The following MAEA variants were observed in gnomAD, a reference collection of about 807,000 sequenced individuals.
MAEA encodes the protein E3 ubiquitin-protein transferase MAEA.
In MAEA, 22 loss-of-function variants were observed where a neutral mutation model predicts 46.2. The observed-to-expected ratio is 0.48, with a 90% CI of 0.34 to 0.68. The LOEUF (loss-of-function observed/expected upper bound fraction) is 0.68, where lower values mean the gene tolerates loss of function less well. Ranked by LOEUF, MAEA falls within the 30% of genes least tolerant of loss-of-function variation. MAEA has a pLI of 0.01. For missense variants in MAEA, 393 were observed against 558.1 expected (o/e 0.70, Z 2.98); for synonymous variants, 246 against 222.6 (o/e 1.11, Z -0.94).
chr4:1,299,005 C>G (rs1379966727), intron 1 of MAEA, among the ~76,000 whole-genome samples: 1 of 152,080 alleles, frequency 6.6e-6, no homozygotes, highest in South Asian at 2.1e-4. Flanking sequence ...CCTCAGCCTC[C>G]CGGGTAACTG....
At chr4:1,337,311 T>A (rs890622251) in intron 7 of MAEA, 1 of 307,836 alleles carries the variant, frequency 3.2e-6, no homozygotes, top group Admixed American at 6.1e-5. Flanking sequence ...CAGAATAGTT[T>A]TCCCGTGTGA....
chr4:1,299,769 A>G (rs1047078680), intron 1 of MAEA: 3 of 152,152 alleles, frequency 2.0e-5, no homozygotes, highest in Admixed American at 2.0e-4. Context: ...CACCTCCTTC[A>G]ATCTTCGCTG....
In MAEA at chr4:1,319,126, C is replaced by T. The variant is rs926755696; in HGVS notation, c.457-3255C>T. On this transcript the variant is annotated intron_variant, in intron 3 of 8. Transcript: ENST00000303400. The stretch of plus-strand genomic sequence containing the variant: ...TAGCACTCTGGGAGGCTGAGGCGAG[C>T]GGATCTGTTGAGCCCAGGAGTTTGA... Among the ~76,000 whole-genome samples the T allele has an allele frequency of 3.3e-5, 5 of 152,178 alleles. No individual in the cohort carries two copies. In the East Asian group the frequency reaches 5.8e-4, roughly 18 times the overall value.
chr4:1,315,392 C>G lies in MAEA; in HGVS notation c.253-5C>G. On this transcript the variant is annotated splice_region_variant and splice_polypyrimidine_tract_variant and intron_variant, in intron 2 of 8. Transcript: ENST00000303400. Reference sequence around the variant, plus strand: ...CTGAACGTGCCTCTGTTGTGTGTGGCTCAGGCGGTGGAATCCATCCAGGCC... The same window carrying G: ...CTGAACGTGCCTCTGTTGTGTGTGGGTCAGGCGGTGGAATCCATCCAGGCC... 1 of 1,613,642 alleles carries G rather than the reference C, an allele frequency of 6.2e-7. No homozygotes were observed.
intron 1 of MAEA, among the ~76,000 whole-genome samples, chr4:1,304,571 G>A (rs1735652970): frequency 6.6e-6 from 1 of 152,152 alleles, no homozygotes; most frequent in Admixed American, 6.5e-5. Flanking sequence ...CTCCCGAGTA[G>A]TTGGGACTAC....
At chr4:1,316,911 T>C (rs1378974335) in intron 3 of MAEA, among the ~76,000 whole-genome samples, 1 of 146,698 alleles carries the variant, frequency 6.8e-6, no homozygotes, top group African/African-American at 2.6e-5. Context: ...CTTGCGGCAC[T>C]CCAGACTCAC....
chr4:1,325,001 C>G (rs1738618617), intron 4 of MAEA, among the ~76,000 whole-genome samples: 1 of 152,038 alleles, frequency 6.6e-6, no homozygotes, highest in African/African-American at 2.4e-5. Context: ...TAGATGCTGT[C>G]CAGAAATGCG....
chr4:1,315,695 T>C, intron 3 of MAEA, 95 bp downstream of exon 3: 1 of 1,126,744 alleles, frequency 8.9e-7, no homozygotes, highest in South Asian at 1.4e-5. Context: ...CCTGTGTCCC[T>C]ACATGCTTGT....
chr4:1,301,485 G>C (rs910450185), intron 1 of MAEA, among the ~76,000 whole-genome samples: 1 of 152,234 alleles, frequency 6.6e-6, no homozygotes, highest in South Asian at 2.1e-4. Context: ...TTGGGGAGAT[G>C]TGATAAATAA....
intron 7 of MAEA, 22 bp from the exon 8 acceptor site, chr4:1,338,400 C>G (rs767475305): frequency 1.9e-6 from 3 of 1,595,808 alleles, no homozygotes; most frequent in Non-Finnish European, 2.6e-6. Flanking sequence ...GGCCCCCAAC[C>G]CTTCCTTGAC....
At chr4:1,328,541 C>T in intron 5 of MAEA, 2 of 1,042,440 alleles carry the variant, frequency 1.9e-6, no homozygotes, top group East Asian at 7.1e-5. Context: ...TGGCCCTCAG[C>T]TCCCGGGCGA....
In MAEA at chr4:1,315,429, C is replaced by T. The variant is rs574820842; in HGVS notation, c.285C>T (p.Ser95=). Residue 95 remains serine (S), a synonymous_variant, in exon 3 of 9, where the codon AGC becomes AGT. Transcript: ENST00000303400. ...AVESIQAEDE[S]AKLCKRRIEH... is the part of the protein sequence containing the mutation. The stretch of plus-strand genomic sequence containing the variant: ...AATCCATCCAGGCCGAGGACGAGAG[C>T]GCCAAGCTGTGCAAGCGCCGGATCG... 3.7e-5 allele frequency: 59 copies of T among 1,613,892 alleles called. No homozygotes were observed. The South Asian group carries it at 4.3e-4, about 12-fold the overall frequency.
chr4:1,312,223 A>G, intron 2 of MAEA, 62 bp downstream of exon 2: 1 of 1,592,740 alleles, frequency 6.3e-7, no homozygotes, highest in Non-Finnish European at 8.6e-7. Context: ...TGTCTCGAAA[A>G]TGAGTCCTAA....
intron 1 of MAEA, among the ~76,000 whole-genome samples, chr4:1,303,639 G>T (rs1381884960): frequency 6.6e-6 from 1 of 152,074 alleles, no homozygotes; most frequent in East Asian, 1.9e-4. Flanking sequence ...GTGGTTGATT[G>T]CCTGGGTCTG....
intron 1 of MAEA, among the ~76,000 whole-genome samples, chr4:1,295,168 A>G (rs1388599260): frequency 1.3e-5 from 2 of 152,058 alleles, no homozygotes; most frequent in East Asian, 3.9e-4. Flanking sequence ...GTCTGCAGAG[A>G]GGCTGTGCTG....
At chr4:1,329,927 T>A in intron 5 of MAEA, 1 of 985,466 alleles carries the variant, frequency 1.0e-6, no homozygotes, top group Non-Finnish European at 1.2e-6. Flanking sequence ...ACGGTCCACA[T>A]GGCGCTGGAG....
At chr4:1,332,216 T>G (rs1403712362) in intron 5 of MAEA, 2 of 153,162 alleles carry the variant, frequency 1.3e-5, no homozygotes, top group African/African-American at 4.8e-5. Context: ...AGGTGCCATT[T>G]GCAGTTCTGG....
At chr4:1,322,556 A>T in intron 4 of MAEA, 53 bp downstream of exon 4, 1 of 1,600,758 alleles carries the variant, frequency 6.2e-7, no homozygotes, top group Non-Finnish European at 8.5e-7. Flanking sequence ...AGGCTGCGCC[A>T]CCTGCCCTGG....
At chr4:1,317,321 C>T (rs114043568) in intron 3 of MAEA, among the ~76,000 whole-genome samples, 2,689 of 145,052 alleles carry the variant, frequency 0.019, 99 homozygotes, top group African/African-American at 0.064. Context: ...CAGACTCACC[C>T]GCAGGCCCCA....
Sources: gnomAD v4.1 joint callset for allele counts (sites outside exome capture counted in the v4.1 genomes callset) on GRCh38, gnomAD v4.1.1 for gene constraint, MANE v1.5 for transcripts, NCBI Gene and HGNC (gene_info 2026-07-23, HGNC 2026-07-21) for gene names.